The following CALD1 variants were observed in gnomAD, a reference collection of about 807,000 sequenced individuals.
CALD1 encodes caldesmon.
CALD1 carries 33 observed loss-of-function variants against 99.9 expected under a neutral mutation model. The observed-to-expected ratio is 0.33, with a 90% confidence interval of 0.25 to 0.44. The LOEUF is 0.44. CALD1 is among the 20% of genes least tolerant of loss of function. The pLI, the probability that CALD1 is intolerant of heterozygous loss-of-function variation, is 1.00. For synonymous variants in CALD1, 310 were observed against 325.0 expected (o/e 0.95, Z 0.50); for missense variants, 861 against 962.1 (o/e 0.89, Z 1.39).
chr7:134,711,660 C>CTCTCTCTCTCTCTATA, the CALD1 span, among the ~76,000 whole-genome samples: 8 of 78,348 alleles, frequency 1.0e-4, no homozygotes, highest in African/African-American at 4.3e-4. Context: ...CTCTCTCTCT[C>CTCTCTCTCTCTCTATA]TATATATATA....
chr7:134,919,562 TTTA>T (rs1385190670), intron 3 of CALD1, among the ~76,000 whole-genome samples: 1 of 152,194 alleles, frequency 6.6e-6, no homozygotes, highest in Non-Finnish European at 1.5e-5. Context: ...TACACAGTGT[TTTA>T]TTATTGAGAG....
At chr7:134,823,842 A>G (rs1798880677) in intron 1 of CALD1, among the ~76,000 whole-genome samples, 1 of 152,224 alleles carries the variant, frequency 6.6e-6, no homozygotes, top group Non-Finnish European at 1.5e-5. Context: ...TCAACAAGTG[A>G]ATGACACAAT....
chr7:134,837,452 C>T (rs1019729070), intron 1 of CALD1, among the ~76,000 whole-genome samples: 1 of 152,056 alleles, frequency 6.6e-6, no homozygotes, highest in African/African-American at 2.4e-5. Context: ...ATGCGATTCT[C>T]CTGCCTCAGC....
At chr7:134,770,915 A>G (rs1796873237) in intron 1 of CALD1, among the ~76,000 whole-genome samples, 1 of 152,226 alleles carries the variant, frequency 6.6e-6, no homozygotes, top group African/African-American at 2.4e-5. Context: ...GCCTACTTAG[A>G]GTGCTGCAAG....
chr7:134,912,404 G>T (rs895419070), intron 3 of CALD1, among the ~76,000 whole-genome samples: 2 of 152,220 alleles, frequency 1.3e-5, no homozygotes, highest in South Asian at 2.1e-4. Flanking sequence ...TTCTGCAGAA[G>T]CTTCAAGCAG....
At chr7:134,848,333 A>G (rs1563042120) in intron 2 of CALD1, among the ~76,000 whole-genome samples, 2 of 152,236 alleles carry the variant, frequency 1.3e-5, no homozygotes, top group Non-Finnish European at 2.9e-5. Flanking sequence ...CCAGCCTCTA[A>G]GAGCTAGAGA....
At chr7:134,723,188 A>T in the CALD1 span, among the ~76,000 whole-genome samples, 4 of 152,200 alleles carry the variant, frequency 2.6e-5, no homozygotes, top group African/African-American at 9.7e-5. Context: ...AAAAGATATA[A>T]CTGTTATACC....
At chr7:134,946,261 A>G (rs1667580620) in intron 7 of CALD1, among the ~76,000 whole-genome samples, 1 of 152,198 alleles carries the variant, frequency 6.6e-6, no homozygotes, top group Non-Finnish European at 1.5e-5. Context: ...TGAGGTAAAT[A>G]GAATAAATAG....
intron 1 of CALD1, among the ~76,000 whole-genome samples, chr7:134,808,047 G>T (rs934372449): frequency 1.3e-5 from 2 of 151,782 alleles, no homozygotes; most frequent in African/African-American, 2.4e-5. Context: ...GAAACAAATA[G>T]GCATAAAAAC....
At position 134,934,077 on chromosome 7, in the gene CALD1, G is replaced by A; in HGVS notation, c.1308G>A (p.Gln436=). ...DKLQTAVLKK[Q]GEEKGTKVQA... ...TTCAGACAGCTGTCCTAAAGAAACA[G>A]GTACAGTAAACATTTTGCACCAAAT... The change falls in exon 5 of 15, where the codon CAG becomes CAA. Residue 436 remains glutamine (Q), a splice_region_variant and synonymous_variant. Coordinates refer to ENST00000361675, the MANE Select transcript of CALD1 (RefSeq NM_033138.4). The A allele has an allele frequency of 6.2e-7, 1 of 1,601,118 alleles. No homozygotes were observed. The highest frequency in any genetic ancestry group is 8.5e-7 in the Non-Finnish European group (1 of 1,175,600).
chr7:134,947,374 G>C, intron 7 of CALD1, 134 bp from the exon 8 acceptor site: 1 of 888,344 alleles, frequency 1.1e-6, no homozygotes. Context: ...CCCTTCCCCA[G>C]CCTACCCCCT....
intron 3 of CALD1, among the ~76,000 whole-genome samples, chr7:134,923,546 C>A (rs534400301): frequency 4.6e-5 from 7 of 152,174 alleles, no homozygotes; most frequent in Non-Finnish European, 8.8e-5. Context: ...ACAGAAGGAA[C>A]AAATGGATTA....
intron 3 of CALD1, among the ~76,000 whole-genome samples, chr7:134,880,272 G>C (rs148041414): frequency 6.6e-6 from 1 of 152,240 alleles, no homozygotes; most frequent in Non-Finnish European, 1.5e-5. Context: ...TAATGAAAGA[G>C]TCCTTTATTT....
chr7:134,903,694 C>T (rs1803160758), intron 3 of CALD1, among the ~76,000 whole-genome samples: 1 of 152,012 alleles, frequency 6.6e-6, no homozygotes, highest in Non-Finnish European at 1.5e-5. Flanking sequence ...TGTCTGAAGC[C>T]AAATGTCCCC....
intron 1 of CALD1, among the ~76,000 whole-genome samples, chr7:134,748,912 C>T (rs1796660121): frequency 6.6e-6 from 1 of 151,932 alleles, no homozygotes; most frequent in Admixed American, 6.5e-5. Context: ...GATTAATGCC[C>T]TCATCAAAAA....
At chr7:134,966,853 G>A (rs753996339) in intron 14 of CALD1, among the ~76,000 whole-genome samples, 6 of 152,088 alleles carry the variant, frequency 3.9e-5, no homozygotes, top group African/African-American at 7.2e-5. Context: ...TGCTATTAGC[G>A]CATTGCAGGT....
intron 1 of CALD1, among the ~76,000 whole-genome samples, chr7:134,790,815 T>C (rs968477733): frequency 1.3e-4 from 20 of 152,234 alleles, no homozygotes; most frequent in African/African-American, 4.6e-4. Flanking sequence ...TCCCTGACAT[T>C]AGGCACTAAA....
At chr7:134,882,896 G>A (rs141322494) in intron 3 of CALD1, among the ~76,000 whole-genome samples, 1 of 152,168 alleles carries the variant, frequency 6.6e-6, no homozygotes, top group Non-Finnish European at 1.5e-5. Context: ...TTTTAATCAA[G>A]ATATGAGGAC....
At chr7:134,778,004 A>C (rs1403581607), upstream of CALD1, among the ~76,000 whole-genome samples, 1 of 152,202 alleles carries the variant, frequency 6.6e-6, no homozygotes, top group Non-Finnish European at 1.5e-5. Flanking sequence ...GTGTACCTGA[A>C]ATGCAACATT....
Sources: allele counts gnomAD v4.1 joint callset (sites outside exome capture counted in the v4.1 genomes callset), GRCh38; gene constraint gnomAD v4.1.1; transcripts MANE v1.5; gene names NCBI Gene and HGNC (gene_info 2026-07-23, HGNC 2026-07-21).